METTL24: variants seen among roughly 807,000 people sequenced by gnomAD.
METTL24 encodes probable methyltransferase-like protein 24.
METTL24 carries 29 observed loss-of-function variants against 32.7 expected under a neutral mutation model. The observed-to-expected ratio is 0.89, with a 90% CI of 0.66 to 1.21. METTL24 has a LOEUF of 1.21. Ranked by LOEUF, METTL24 falls within the 50% of genes most tolerant of loss-of-function variation. The pLI is 0.00. For synonymous variants in METTL24, 163 were observed against 179.5 expected (o/e 0.91, Z 0.73); for missense variants, 439 against 468.1 (o/e 0.94, Z 0.57).
rs568616040 is a variant in METTL24 at position 110,323,730 on chromosome 6, G to A, written c.319-858C>T. Among the ~76,000 whole-genome samples, 589 of 152,140 alleles carry A rather than the reference G, an allele frequency of 3.9e-3. 5 individuals carry two copies. The highest frequency in any genetic ancestry group is 6.6e-3 in the Non-Finnish European group (446 of 67,976). On this transcript the variant is annotated intron_variant, in intron 1 of 4. Transcript: ENST00000338882. Reference sequence around the variant, plus strand: ...TGCTGCAATTCCCAGGGGTGGGGACGGCTCGTGCAGGGTAGGGAAGGGCTG... The same window carrying A: ...TGCTGCAATTCCCAGGGGTGGGGACAGCTCGTGCAGGGTAGGGAAGGGCTG...
intron 1 of METTL24, among the ~76,000 whole-genome samples, chr6:110,336,666 G>A (rs1772237724): frequency 1.3e-5 from 2 of 151,458 alleles, no homozygotes; most frequent in African/African-American, 4.9e-5. Flanking sequence ...GTGAACCCAG[G>A]AGGCGGGGCT....
chr6:110,333,566 T>G (rs1321433864), intron 1 of METTL24, among the ~76,000 whole-genome samples: 2 of 152,180 alleles, frequency 1.3e-5, no homozygotes, highest in Non-Finnish European at 2.9e-5. Context: ...TGATTTCTCC[T>G]GCCTCAGCTT....
intron 4 of METTL24, among the ~76,000 whole-genome samples, chr6:110,294,206 A>T (rs181271856): frequency 5.3e-4 from 81 of 152,142 alleles, no homozygotes; most frequent in African/African-American, 1.8e-3. Flanking sequence ...AAATATTAAC[A>T]AATGGTGAAT....
At chr6:110,343,437 A>G (rs1309868083) in intron 1 of METTL24, among the ~76,000 whole-genome samples, 1 of 152,234 alleles carries the variant, frequency 6.6e-6, no homozygotes, top group African/African-American at 2.4e-5. Context: ...TGAATTGTCT[A>G]GTAGTAGAGA....
At chr6:110,298,042 C>G (rs1771452046) in intron 4 of METTL24, among the ~76,000 whole-genome samples, 1 of 152,050 alleles carries the variant, frequency 6.6e-6, no homozygotes, top group Non-Finnish European at 1.5e-5. Context: ...AACGGCAATG[C>G]AGGGAAAAGC....
chr6:110,292,852 A>T (rs1362220955), intron 4 of METTL24, among the ~76,000 whole-genome samples: 30 of 152,204 alleles, frequency 2.0e-4, no homozygotes, highest in East Asian at 1.9e-4. Flanking sequence ...TTTTACTGAC[A>T]CATCCATCTT....
intron 1 of METTL24, among the ~76,000 whole-genome samples, chr6:110,348,555 C>T (rs1772526926): frequency 6.6e-6 from 1 of 152,244 alleles, no homozygotes; most frequent in Non-Finnish European, 1.5e-5. Context: ...GTGCTCTAGT[C>T]AAAGTACATG....
At chr6:110,291,918 A>G (rs981028523) in intron 4 of METTL24, among the ~76,000 whole-genome samples, 1 of 152,202 alleles carries the variant, frequency 6.6e-6, no homozygotes, top group Non-Finnish European at 1.5e-5. Flanking sequence ...CTTGATTGCT[A>G]TCCCTTACAT....
intron 1 of METTL24, among the ~76,000 whole-genome samples, chr6:110,335,446 A>G (rs915607155): frequency 1.3e-5 from 2 of 152,198 alleles, no homozygotes; most frequent in Admixed American, 6.5e-5. Flanking sequence ...TTCATTAAAG[A>G]AAAACAACCT....
intron 2 of METTL24, among the ~76,000 whole-genome samples, chr6:110,316,151 G>A (rs1054194929): frequency 1.3e-5 from 2 of 152,284 alleles, no homozygotes; most frequent in East Asian, 3.9e-4. Context: ...CCTCCTGGGG[G>A]AGAAGGGCAA....
chr6:110,358,146 G>C lies in METTL24; in HGVS notation c.127C>G (p.Arg43Gly), dbSNP rs1484652719. Residue 43 changes from arginine to glycine, a missense_variant, in exon 1 of 5, where the codon CGC becomes GGC. By Grantham distance (125) the Arg-to-Gly change is moderately radical (BLOSUM62 -2). Transcript: ENST00000338882. ...LRRAGPGSPTRSAPPGPAWRP... is the reference protein window; with the variant it reads ...LRRAGPGSPTGSAPPGPAWRP... ...CAGGCCGGGCCCGGCGGGGCGCTGC[G>C]GGTGGGGGACCCGGGCCCGGCGCGC... The C allele has an allele frequency of 6.7e-5, 78 of 1,169,278 alleles. No homozygotes were observed. Among genetic ancestry groups the C allele is most frequent in the Non-Finnish European group, 7.8e-5 (74 of 949,354 alleles). 72.4% of individuals were successfully genotyped at this position (1,169,278 alleles called of 1,614,324 possible).
intron 4 of METTL24, among the ~76,000 whole-genome samples, chr6:110,280,665 T>C (rs1349661807): frequency 6.6e-6 from 1 of 152,010 alleles, no homozygotes; most frequent in African/African-American, 2.4e-5. Context: ...TTTTTTTCTT[T>C]TTTTTTGAGG....
chr6:110,335,714 T>G (rs72935951), intron 1 of METTL24, among the ~76,000 whole-genome samples: 10,409 of 152,048 alleles, frequency 0.068, 402 homozygotes, highest in Non-Finnish European at 0.087. Flanking sequence ...CTGCACCTAT[T>G]GTACTGGTAG....
chr6:110,357,875 G>C lies in METTL24; in HGVS notation c.318+80C>G, dbSNP rs938170679. ...GAGGTCCCATCGAGGCGGCCTGCGG[G>C]ACCTGAGCGCCGGGCTCCGTAGCGC... On this transcript the variant is annotated intron_variant, in intron 1 of 4. Transcript: ENST00000338882. The C allele has an allele frequency of 3.7e-5, 30 of 800,512 alleles. No individual in the cohort carries two copies. In the African/African-American group the frequency reaches 4.9e-4, roughly 13 times the overall value. The allele number at this position is 800,512 out of a possible 1,614,324, so 49.6% of individuals were successfully genotyped here.
chr6:110,324,996 T>TTCGA (rs1482844447), intron 1 of METTL24, among the ~76,000 whole-genome samples: 1 of 152,228 alleles, frequency 6.6e-6, no homozygotes, highest in East Asian at 1.9e-4. Flanking sequence ...TAGGAAATTA[T>TTCGA]TCGATTCTGA....
At chr6:110,268,609 C>T (rs2114706829) in intron 4 of METTL24, among the ~76,000 whole-genome samples, 1 of 152,284 alleles carries the variant, frequency 6.6e-6, no homozygotes, top group South Asian at 2.1e-4. Context: ...AGTTGTAGCT[C>T]ACTACATCAT....
intron 1 of METTL24, among the ~76,000 whole-genome samples, chr6:110,347,470 T>C (rs1187408823): frequency 6.6e-6 from 1 of 152,240 alleles, no homozygotes; most frequent in Non-Finnish European, 1.5e-5. Context: ...TTAGACTTTA[T>C]TGTGTTGACT....
At chr6:110,257,082 A>G (rs1240525697) in intron 4 of METTL24, among the ~76,000 whole-genome samples, 2 of 152,260 alleles carry the variant, frequency 1.3e-5, no homozygotes, top group Non-Finnish European at 2.9e-5. Context: ...ATAATCTGAG[A>G]GAAGATGACT....
intron 4 of METTL24, among the ~76,000 whole-genome samples, chr6:110,285,123 G>A (rs879592696): frequency 2.6e-5 from 4 of 152,220 alleles, no homozygotes; most frequent in Non-Finnish European, 5.9e-5. Context: ...GTTTTTTCCT[G>A]CAGAATCTGG....
Sources: allele counts gnomAD v4.1 joint callset (sites outside exome capture counted in the v4.1 genomes callset), GRCh38; gene constraint gnomAD v4.1.1; transcripts MANE v1.5; gene names NCBI Gene and HGNC (gene_info 2026-07-23, HGNC 2026-07-21).